The following REV3L variants were observed in gnomAD, a reference collection of about 807,000 sequenced individuals.
REV3L encodes DNA polymerase zeta catalytic subunit.
Under a neutral mutation model 299.4 loss-of-function variants are expected in REV3L, and 69 were observed. That is an observed-to-expected ratio of 0.23 (90% CI 0.19 to 0.28). The LOEUF (loss-of-function observed/expected upper bound fraction) is 0.28. Ranked by LOEUF, REV3L falls within the 10% of genes least tolerant of loss-of-function variation. The pLI, the probability that REV3L is intolerant of heterozygous loss-of-function variation, is 1.00. For synonymous variants in REV3L, 1,238 were observed against 1,271.4 expected, an observed-to-expected ratio of 0.97 and a Z score of 0.56; for missense variants, 3,128 against 3,693.8, an observed-to-expected ratio of 0.85 and a Z score of 3.97.
chr6:111,483,248 G>A (rs1392515650), upstream of REV3L: 2 of 485,926 alleles, frequency 4.1e-6, no homozygotes, highest in East Asian at 7.0e-5. Flanking sequence ...AGGGGAGAGG[G>A]GGGTGTGTGT....
At chr6:111,405,685 T>C in intron 3 of REV3L, 55 bp from the exon 4 acceptor site, 4 of 1,192,852 alleles carry the variant, frequency 3.4e-6, no homozygotes, top group Non-Finnish European at 4.8e-6. Context: ...AAATGTTAAA[T>C]GAAACAATGA....
At chr6:111,326,807 TAAAA>T (rs201555297) in intron 25 of REV3L, among the ~76,000 whole-genome samples, 1 of 146,688 alleles carries the variant, frequency 6.8e-6, no homozygotes, top group Admixed American at 6.8e-5. Context: ...ATCTGCCCTT[TAAAA>T]AAAAAAAAAG....
intron 4 of REV3L, among the ~76,000 whole-genome samples, chr6:111,404,145 T>G (rs1181940805): frequency 6.6e-6 from 1 of 152,196 alleles, no homozygotes. Context: ...GCTGGTAACT[T>G]GAAGTTGAAG....
chr6:111,333,030 G>A, intron 23 of REV3L, 93 bp downstream of exon 23: 1 of 1,423,770 alleles, frequency 7.0e-7, no homozygotes. Flanking sequence ...CATAGGGAAG[G>A]TGTCCAGAGC....
At chr6:111,453,384 T>C (rs1208164387) in intron 1 of REV3L, among the ~76,000 whole-genome samples, 2 of 152,180 alleles carry the variant, frequency 1.3e-5, no homozygotes, top group Non-Finnish European at 2.9e-5. Flanking sequence ...ATACTTTCCT[T>C]ATAGGAAAAT....
At chr6:111,477,565 G>A (rs1433452379) in intron 1 of REV3L, among the ~76,000 whole-genome samples, 1 of 152,152 alleles carries the variant, frequency 6.6e-6, no homozygotes, top group Admixed American at 6.5e-5. Flanking sequence ...AGCATGGCAA[G>A]AACAAGGGAC....
chr6:111,386,184 T>C (rs1781326471), intron 9 of REV3L, among the ~76,000 whole-genome samples: 1 of 152,176 alleles, frequency 6.6e-6, no homozygotes, highest in African/African-American at 2.4e-5. Context: ...CTCCTGCACA[T>C]AGCCATAAGG....
At chr6:111,334,680 A>G (rs539405793) in intron 22 of REV3L, among the ~76,000 whole-genome samples, 1 of 152,286 alleles carries the variant, frequency 6.6e-6, no homozygotes, top group Non-Finnish European at 1.5e-5. Flanking sequence ...TTTGCCTTTT[A>G]TTACAGACTA....
intron 7 of REV3L, 151 bp from the exon 8 acceptor site, chr6:111,388,236 A>C (rs1027301296): frequency 1.6e-6 from 1 of 606,488 alleles, no homozygotes; most frequent in Non-Finnish European, 2.9e-6. Flanking sequence ...CCATAGAATC[A>C]CACAAAAGAG....
chr6:111,480,259 T>C (rs1293395255), intron 1 of REV3L, among the ~76,000 whole-genome samples: 1 of 152,238 alleles, frequency 6.6e-6, no homozygotes, highest in Non-Finnish European at 1.5e-5. Flanking sequence ...TTTTATTACC[T>C]TATTTTACTT....
At chr6:111,311,799 T>C (rs1009791838) in intron 28 of REV3L, 19 of 147,788 alleles carry the variant, frequency 1.3e-4, no homozygotes, top group African/African-American at 4.6e-4. Flanking sequence ...AGTGGATTTA[T>C]GTAAGATTAA....
At chr6:111,317,268 T>A (rs866472830) in intron 26 of REV3L, among the ~76,000 whole-genome samples, 3 of 152,148 alleles carry the variant, frequency 2.0e-5, no homozygotes, top group African/African-American at 7.2e-5. Context: ...CAGCCTAATA[T>A]GAAAAATTAA....
At chr6:111,470,936 T>C (rs1792122255) in intron 1 of REV3L, among the ~76,000 whole-genome samples, 1 of 152,004 alleles carries the variant, frequency 6.6e-6, no homozygotes, top group South Asian at 2.1e-4. Flanking sequence ...GCCAAGATTG[T>C]GCCACTACAC....
intron 4 of REV3L, among the ~76,000 whole-genome samples, chr6:111,395,917 A>T (rs1221449326): frequency 1.3e-5 from 2 of 152,196 alleles, no homozygotes; most frequent in Non-Finnish European, 2.9e-5. Flanking sequence ...AATTTTATCA[A>T]ATAACTTTTC....
rs1780016174 is a variant in REV3L, at chr6:111,373,632, G to A, written c.4723C>T (p.Arg1575Ter). 2 of 1,613,956 alleles carry A rather than the reference G, an allele frequency of 1.2e-6. No homozygotes were observed. ...GGTTTTCTTGGGGACGTTACCGATC[G>A]TGTCCGTTTATTTGCTTTGTTATGC... ...LEHNKANKRT[R>*]SVTSPRKPRT... Residue 1575 changes from arginine (R) to a stop codon, truncating the protein, a stop_gained, in exon 13 of 32, where the codon CGA becomes TGA. Coordinates refer to ENST00000368802, the MANE Select transcript of REV3L (RefSeq NM_001372078.1). LOFTEE classifies it high-confidence loss of function.
chr6:111,345,759 T>C (rs1315626287), intron 20 of REV3L, among the ~76,000 whole-genome samples: 3 of 151,996 alleles, frequency 2.0e-5, no homozygotes, highest in African/African-American at 4.8e-5. Flanking sequence ...CCCTTGTCCC[T>C]TTCCTGCTGC....
intron 12 of REV3L, 65 bp downstream of exon 12, chr6:111,377,636 C>T (rs1362582987): frequency 6.6e-7 from 1 of 1,521,466 alleles, no homozygotes; most frequent in African/African-American, 1.4e-5. Context: ...AGCGCCTAGC[C>T]TCAAAATCAA....
chr6:111,322,512 CTGAAA>C, intron 26 of REV3L, 52 bp downstream of exon 26: 1 of 1,306,138 alleles, frequency 7.7e-7, no homozygotes, highest in Non-Finnish European at 1.1e-6. Flanking sequence ...ATTTTAAACA[CTGAAA>C]TGAAGATCTA....
chr6:111,348,359 G>A (rs1777233942), intron 20 of REV3L, among the ~76,000 whole-genome samples: 1 of 152,098 alleles, frequency 6.6e-6, no homozygotes, highest in South Asian at 2.1e-4. Context: ...CTTTTTCTAA[G>A]TGAATGCAAA....
Sources: gnomAD v4.1 joint callset for allele counts (sites outside exome capture counted in the v4.1 genomes callset) on GRCh38, gnomAD v4.1.1 for gene constraint, MANE v1.5 for transcripts, NCBI Gene and HGNC (gene_info 2026-07-23, HGNC 2026-07-21) for gene names.